ULK4: variants seen among roughly 807,000 people sequenced by gnomAD.
The protein encoded by ULK4 is unc-51 like kinase 4.
Under a neutral mutation model 160.6 loss-of-function variants are expected in ULK4, and 133 were observed. The ratio of observed to expected loss-of-function variants is 0.83; its 90% CI spans 0.72 to 0.96. The LOEUF is 0.96. ULK4 is among the 40% of genes least tolerant of loss of function. The pLI, the probability that ULK4 is intolerant of heterozygous loss-of-function variation, is 0.00. For synonymous variants in ULK4, 534 were observed against 539.8 expected, an observed-to-expected ratio of 0.99 and a Z score of 0.15; for missense variants, 1,580 against 1,499.5, an observed-to-expected ratio of 1.05 and a Z score of -0.89.
intron 35 of ULK4, among the ~76,000 whole-genome samples, chr3:41,297,953 A>G (rs2079703872): frequency 6.6e-6 from 1 of 152,236 alleles, no homozygotes; most frequent in African/African-American, 2.4e-5. Flanking sequence ...TCAAAGGCCT[A>G]ACACAAGTCA....
At chr3:41,749,725 T>G (rs1200114124) in intron 22 of ULK4, among the ~76,000 whole-genome samples, 1 of 152,092 alleles carries the variant, frequency 6.6e-6, no homozygotes, top group Non-Finnish European at 1.5e-5. Context: ...AAGTCCCAAT[T>G]CCATTAATCT....
rs571995895 is a variant in ULK4, at chr3:41,620,177, C to G, written c.3072-4460G>C. Among the ~76,000 whole-genome samples the G allele has an allele frequency of 8.1e-4, 123 of 152,246 alleles. 1 individual carries two copies. Among genetic ancestry groups the G allele is most frequent in the Admixed American group, 1.4e-3 (21 of 15,290 alleles). On this transcript the variant is annotated intron_variant, in intron 30 of 36. Coordinates refer to ENST00000301831, the MANE Select transcript of ULK4 (RefSeq NM_017886.4). Reference sequence around the variant, plus strand: ...AGACAAATTCACAGCCGAATTCTACCAGAGGTACAAAGAGGAGCTGGTACC... The same window carrying G: ...AGACAAATTCACAGCCGAATTCTACGAGAGGTACAAAGAGGAGCTGGTACC...
In ULK4 at chr3:41,954,764, G is replaced by C; in HGVS notation, c.-5C>G. 1 of 1,608,576 alleles carries C rather than the reference G, an allele frequency of 6.2e-7. No homozygotes were observed. The highest frequency in any genetic ancestry group is 8.5e-7 in the Non-Finnish European group (1 of 1,177,912). On this transcript the variant is annotated 5_prime_UTR_variant, in exon 2 of 37. Coordinates refer to ENST00000301831, the MANE Select transcript of ULK4 (RefSeq NM_017886.4). ...ATACAGAATAAAGTTTTCCATCTCT[G>C]GGCCGACTTCTCACATACAATAGAA...
At chr3:41,393,107 A>C (rs535602966) in intron 35 of ULK4, among the ~76,000 whole-genome samples, 2 of 152,310 alleles carry the variant, frequency 1.3e-5, no homozygotes, top group Non-Finnish European at 2.9e-5. Context: ...TGTGTCTGCA[A>C]AGTACTAACA....
chr3:41,374,142 T>C (rs1429745141), intron 35 of ULK4, among the ~76,000 whole-genome samples: 1 of 152,150 alleles, frequency 6.6e-6, no homozygotes, highest in Non-Finnish European at 1.5e-5. Flanking sequence ...GAGGCAGTAA[T>C]TAACAGCATT....
At chr3:41,938,717 G>C (rs901467853) in intron 2 of ULK4, among the ~76,000 whole-genome samples, 23 of 151,164 alleles carry the variant, frequency 1.5e-4, no homozygotes, top group African/African-American at 5.6e-4. Context: ...TTAAACTTGT[G>C]TAATACTCTT....
At chr3:41,815,919 A>G (rs1407304103) in intron 19 of ULK4, among the ~76,000 whole-genome samples, 1 of 152,204 alleles carries the variant, frequency 6.6e-6, no homozygotes, top group Admixed American at 6.5e-5. Flanking sequence ...GAAGCATTTC[A>G]TAAGATACAA....
chr3:41,385,751 C>A (rs1487217385), intron 35 of ULK4, among the ~76,000 whole-genome samples: 1 of 152,094 alleles, frequency 6.6e-6, no homozygotes, highest in Non-Finnish European at 1.5e-5. Flanking sequence ...TGGAAAAACA[C>A]AAATCTCAAT....
chr3:41,305,649 G>C (rs971259317), intron 35 of ULK4, among the ~76,000 whole-genome samples: 2 of 151,952 alleles, frequency 1.3e-5, no homozygotes, highest in African/African-American at 4.8e-5. Flanking sequence ...CACCCCGTCT[G>C]GGAAGTGAGG....
intron 33 of ULK4, 114 bp downstream of exon 33, chr3:41,462,973 T>C (rs2083724421): frequency 3.9e-6 from 5 of 1,270,168 alleles, no homozygotes; most frequent in Non-Finnish European, 5.4e-6. Context: ...TATAGAATTA[T>C]ACATTCTTTT....
At chr3:41,269,278 A>G (rs987375646) in intron 35 of ULK4, among the ~76,000 whole-genome samples, 4 of 152,048 alleles carry the variant, frequency 2.6e-5, no homozygotes, top group African/African-American at 9.7e-5. Context: ...ACTAATTTCA[A>G]TGCAAATCCA....
intron 35 of ULK4, among the ~76,000 whole-genome samples, chr3:41,357,222 A>G (rs2125768458): frequency 6.6e-6 from 1 of 152,348 alleles, no homozygotes; most frequent in East Asian, 1.9e-4. Flanking sequence ...TTTGATAAAG[A>G]AAATAAATAC....
At chr3:41,859,803 G>T (rs1048803875) in intron 17 of ULK4, among the ~76,000 whole-genome samples, 2 of 149,554 alleles carry the variant, frequency 1.3e-5, no homozygotes, top group African/African-American at 4.9e-5. Flanking sequence ...GATTACAGGT[G>T]CACGCCACCA....
At chr3:41,534,962 T>C (rs2086447734) in intron 32 of ULK4, among the ~76,000 whole-genome samples, 1 of 152,202 alleles carries the variant, frequency 6.6e-6, no homozygotes, top group Non-Finnish European at 1.5e-5. Context: ...TATATGTATG[T>C]GTATGTGTGT....
intron 21 of ULK4, among the ~76,000 whole-genome samples, chr3:41,771,711 A>C (rs535766224): frequency 6.6e-6 from 1 of 152,288 alleles, no homozygotes; most frequent in Non-Finnish European, 1.5e-5. Flanking sequence ...AAAACGACTG[A>C]AACTTCCCCA....
chr3:41,270,947 T>C (rs1020354510), intron 35 of ULK4, among the ~76,000 whole-genome samples: 5 of 152,236 alleles, frequency 3.3e-5, no homozygotes, highest in Admixed American at 2.0e-4. Flanking sequence ...ACTATTTATA[T>C]TGACATTGTT....
At chr3:41,702,498 A>G (rs2125823661) in intron 27 of ULK4, among the ~76,000 whole-genome samples, 1 of 152,318 alleles carries the variant, frequency 6.6e-6, no homozygotes, top group African/African-American at 2.4e-5. Context: ...TAGATCTAAA[A>G]CATAAAAGTA....
At chr3:41,279,780 G>C (rs994240031) in intron 35 of ULK4, among the ~76,000 whole-genome samples, 1 of 151,926 alleles carries the variant, frequency 6.6e-6, no homozygotes, top group Non-Finnish European at 1.5e-5. Flanking sequence ...GTCACCATGA[G>C]GCCACACATA....
At chr3:41,823,330 T>C (rs1244416105) in intron 18 of ULK4, among the ~76,000 whole-genome samples, 7 of 151,950 alleles carry the variant, frequency 4.6e-5, no homozygotes, top group Admixed American at 3.3e-4. Flanking sequence ...AGTAGGAAGA[T>C]AGTGAGGAAT....
Sources: allele counts gnomAD v4.1 joint callset (sites outside exome capture counted in the v4.1 genomes callset), GRCh38; gene constraint gnomAD v4.1.1; transcripts MANE v1.5; gene names NCBI Gene and HGNC (gene_info 2026-07-23, HGNC 2026-07-21).